PAAF1: variants seen among roughly 807,000 people sequenced by gnomAD.
PAAF1 encodes proteasomal ATPase-associated factor 1.
Under a neutral mutation model 52.8 loss-of-function variants are expected in PAAF1, and 46 were observed. The observed-to-expected ratio is 0.87, with a 90% confidence interval of 0.69 to 1.11. The LOEUF (loss-of-function observed/expected upper bound fraction) is 1.11. Ranked by LOEUF, PAAF1 falls within the 50% of genes most tolerant of loss-of-function variation. The pLI, the probability that PAAF1 is intolerant of heterozygous loss-of-function variation, is 0.00. For missense variants in PAAF1, 424 were observed against 477.4 expected, an observed-to-expected ratio of 0.89 and a Z score of 1.04; for synonymous variants, 178 against 172.8, an observed-to-expected ratio of 1.03 and a Z score of -0.24.
chr11:73,915,710 G>A (rs1182711538), intron 8 of PAAF1, among the ~76,000 whole-genome samples: 1 of 152,178 alleles, frequency 6.6e-6, no homozygotes. Context: ...GGCAGATTAT[G>A]TTCTTAACTA....
intron 10 of PAAF1, among the ~76,000 whole-genome samples, chr11:73,924,174 G>T (rs374529624): frequency 6.6e-6 from 1 of 152,172 alleles, no homozygotes; most frequent in African/African-American, 2.4e-5. Context: ...GCCCACATAG[G>T]CCGGGTATGG....
chr11:73,882,625 C>T (rs142970614), intron 2 of PAAF1, among the ~76,000 whole-genome samples: 3,104 of 150,522 alleles, frequency 0.021, 105 homozygotes, highest in African/African-American at 0.071. Context: ...TTTTTTGAGA[C>T]GGAGTCTCGC....
chr11:73,925,722 T>G (rs540942505), intron 11 of PAAF1, among the ~76,000 whole-genome samples: 9 of 152,236 alleles, frequency 5.9e-5, no homozygotes, highest in Non-Finnish European at 1.2e-4. Flanking sequence ...ATACGTTATC[T>G]CATGTAATCT....
intron 8 of PAAF1, among the ~76,000 whole-genome samples, chr11:73,915,153 G>C (rs1198884282): frequency 6.6e-6 from 1 of 152,142 alleles, no homozygotes; most frequent in Non-Finnish European, 1.5e-5. Context: ...GTCATAATAG[G>C]GTATGTGATG....
At chr11:73,914,532 C>T in intron 8 of PAAF1, 28 bp downstream of exon 8, 1 of 1,592,852 alleles carries the variant, frequency 6.3e-7, no homozygotes, top group Middle Eastern at 1.7e-4. Flanking sequence ...GACCTTTGAA[C>T]TCTGAGGCAA....
At position 73,878,948 on chromosome 11, in the gene PAAF1, G is replaced by A. The variant is rs563728418; in HGVS notation, c.88+129G>A. Reference sequence around the variant, plus strand: ...GTCTGCAAACATGCTTGACCAGTCTGTACTGTATGGCCAACACCCCAACTC... The same window carrying A: ...GTCTGCAAACATGCTTGACCAGTCTATACTGTATGGCCAACACCCCAACTC... On this transcript the variant is annotated intron_variant, in intron 2 of 11. Transcript: ENST00000310571. 13 of 721,236 alleles carry A rather than the reference G, an allele frequency of 1.8e-5. No individual in the cohort carries two copies. In the Middle Eastern group the frequency reaches 8.6e-4, roughly 48 times the overall value. 44.7% of individuals were successfully genotyped at this position (721,236 alleles called of 1,614,324 possible). A position where few individuals can be genotyped will look rare whatever the true frequency, so the allele number is the denominator to read the frequency against.
chr11:73,892,677 T>C (rs1949230998), intron 4 of PAAF1, among the ~76,000 whole-genome samples: 1 of 151,618 alleles, frequency 6.6e-6, no homozygotes, highest in Non-Finnish European at 1.5e-5. Flanking sequence ...GTTTTTGTTT[T>C]GAGATGGAGT....
At chr11:73,922,008 T>A in intron 10 of PAAF1, 1 of 814,604 alleles carries the variant, frequency 1.2e-6, no homozygotes, top group Non-Finnish European at 2.1e-6. Flanking sequence ...GTCAGCTTCA[T>A]TCTTAACTTC....
chr11:73,906,253 TTTTG>T (rs142630038), intron 6 of PAAF1, among the ~76,000 whole-genome samples: 6,372 of 152,098 alleles, frequency 0.042, 181 homozygotes, highest in Middle Eastern at 0.099. Flanking sequence ...TTTCGTTTAG[TTTTG>T]TTTGTTTGTT....
At chr11:73,882,387 TAAG>T (rs1164264741) in intron 2 of PAAF1, among the ~76,000 whole-genome samples, 2 of 151,292 alleles carry the variant, frequency 1.3e-5, no homozygotes, top group South Asian at 2.1e-4. Context: ...TGTCAACTCT[TAAG>T]GAGGAGGGTG....
rs1193037100 is a variant in PAAF1 at position 73,928,884 on chromosome 11, A to T, written c.*1522A>T. 1 of 150,098 alleles carries T rather than the reference A, an allele frequency of 6.7e-6. No individual in the cohort carries two copies. The highest frequency in any genetic ancestry group is 1.5e-5 in the Non-Finnish European group (1 of 67,806). The allele number at this position is 150,098 out of a possible 1,614,324, so 9.3% of individuals were successfully genotyped here. A position where few individuals can be genotyped will look rare whatever the true frequency, so the allele number is the denominator to read the frequency against. ...GCATGCACCACCATGCCCGGCTAATATTTTTTTTGTATTTTTATTAGAGAT... is the reference window on the plus strand; with the variant it reads ...GCATGCACCACCATGCCCGGCTAATTTTTTTTTTGTATTTTTATTAGAGAT... On this transcript the variant is annotated 3_prime_UTR_variant, in exon 12 of 12. Coordinates refer to ENST00000310571, the MANE Select transcript of PAAF1 (RefSeq NM_025155.3).
intron 1 of PAAF1, 152 bp downstream of exon 1, chr11:73,877,220 C>A: frequency 1.3e-6 from 1 of 758,378 alleles, no homozygotes; most frequent in Non-Finnish European, 1.9e-6. Flanking sequence ...AAAGAAGTAT[C>A]AAACCCGTAT....
At chr11:73,878,967 C>A in intron 2 of PAAF1, 148 bp downstream of exon 2, 2 of 523,520 alleles carry the variant, frequency 3.8e-6, no homozygotes, top group East Asian at 6.2e-5. Context: ...GGCCAACACC[C>A]CAACTCCTCC....
intron 2 of PAAF1, 182 bp downstream of exon 2, chr11:73,879,001 T>G (rs1948820823): frequency 4.7e-6 from 2 of 429,944 alleles, no homozygotes; most frequent in Admixed American, 8.2e-5. Flanking sequence ...GCCTTCAGAT[T>G]GATTTTCCAT....
chr11:73,883,150 G>T (rs1337312101), intron 2 of PAAF1, among the ~76,000 whole-genome samples: 3 of 151,920 alleles, frequency 2.0e-5, no homozygotes, highest in Non-Finnish European at 2.9e-5. Context: ...TTAATACATG[G>T]GGTCTCGCTG....
intron 2 of PAAF1, among the ~76,000 whole-genome samples, chr11:73,885,372 G>A (rs578166299): frequency 2.0e-5 from 3 of 151,568 alleles, no homozygotes; most frequent in South Asian, 4.2e-4. Flanking sequence ...TTGAACTCCT[G>A]ACCTTGTGAT....
At chr11:73,895,353 G>A (rs942646576) in intron 4 of PAAF1, among the ~76,000 whole-genome samples, 7 of 152,310 alleles carry the variant, frequency 4.6e-5, no homozygotes, top group African/African-American at 1.7e-4. Flanking sequence ...TTCCAGTCTA[G>A]CCTAGGTGTT....
chr11:73,895,943 C>CA (rs1293299784), intron 4 of PAAF1, among the ~76,000 whole-genome samples: 4 of 151,734 alleles, frequency 2.6e-5, no homozygotes, highest in Admixed American at 6.6e-5. Context: ...CCCATCTCTC[C>CA]AAAAAAAAGT....
intron 9 of PAAF1, 43 bp from the exon 10 acceptor site, chr11:73,918,907 T>C: frequency 2.0e-6 from 3 of 1,501,712 alleles, no homozygotes; most frequent in Non-Finnish European, 2.8e-6. Flanking sequence ...AAGTATTGCT[T>C]TTGAAGAAAG....
Sources: allele counts gnomAD v4.1 joint callset (sites outside exome capture counted in the v4.1 genomes callset), GRCh38; gene constraint gnomAD v4.1.1; transcripts MANE v1.5; gene names NCBI Gene and HGNC (gene_info 2026-07-23, HGNC 2026-07-21).